Variants in ABCB1 observed in about 807,000 individuals in gnomAD.
ABCB1 encodes ATP-dependent translocase ABCB1.
In ABCB1, 69 loss-of-function variants were observed where a neutral mutation model predicts 142.0. The ratio of observed to expected loss-of-function variants is 0.49; its 90% CI spans 0.40 to 0.59. ABCB1 has a LOEUF of 0.59. Ranked by LOEUF, ABCB1 falls within the 20% of genes least tolerant of loss-of-function variation. ABCB1 has a pLI of 0.00. For missense variants in ABCB1, 1,326 were observed against 1,554.7 expected, an observed-to-expected ratio of 0.85 and a Z score of 2.47; for synonymous variants, 532 against 539.2, an observed-to-expected ratio of 0.99 and a Z score of 0.18.
intron 25 of ABCB1, among the ~76,000 whole-genome samples, chr7:87,509,900 T>G (rs1814928737): frequency 6.6e-6 from 1 of 152,150 alleles, no homozygotes; most frequent in African/African-American, 2.4e-5. Context: ...GGCTCTTAAC[T>G]GAAGAAGAAG....
intron 20 of ABCB1, among the ~76,000 whole-genome samples, chr7:87,536,017 T>C (rs940858823): frequency 1.3e-5 from 2 of 152,204 alleles, no homozygotes; most frequent in African/African-American, 4.8e-5. Context: ...GTTATTCTAT[T>C]CTTGCCTTAA....
chr7:87,697,256 C>G (rs544055733), intron 1 of ABCB1, among the ~76,000 whole-genome samples: 1 of 152,100 alleles, frequency 6.6e-6, no homozygotes, highest in African/African-American at 2.4e-5. Flanking sequence ...TGTATTTTCC[C>G]TTGCCTATTT....
At chr7:87,700,697 C>A in intron 1 of ABCB1, 1 of 715,916 alleles carries the variant, frequency 1.4e-6, no homozygotes, top group Non-Finnish European at 2.2e-6. Flanking sequence ...GATGTTTCTA[C>A]ATTTCTTGAA....
At position 87,545,973 on chromosome 7, in the gene ABCB1, G is replaced by A. The variant is rs28381914; in HGVS notation, c.1777C>T (p.Arg593Cys). ...AAACCAGCGATGACGTCAGCATTACGAACTGTAGACAAACGATGAGCTATC... is the reference window on the plus strand; with the variant it reads ...AAACCAGCGATGACGTCAGCATTACAAACTGTAGACAAACGATGAGCTATC... ...IVIAHRLSTV[R>C]NADVIAGFDD... Residue 593 changes from arginine to cysteine, a missense_variant, in exon 15 of 28, where the codon CGT becomes TGT. Transcript: ENST00000622132. 82 of 1,614,070 alleles carry A rather than the reference G, an allele frequency of 5.1e-5. 1 individual carries two copies. The African/African-American group carries it at 5.5e-4, about 11-fold the overall frequency.
In ABCB1 at chr7:87,700,511, G is replaced by A. The variant is rs751080320; in HGVS notation, c.-331+12650C>T. ...CGGAAAGTTTCACAGAATTGTATCT[G>A]CAGCATTGAAAATATGGAAAATGTC... is the stretch of plus-strand genomic sequence containing the variant. On this transcript the variant is annotated intron_variant, in intron 1 of 28. Transcript: ENST00000265724. 5.0e-6 allele frequency: 8 copies of A among 1,613,242 alleles called. No homozygotes were observed. In the Admixed American group the frequency reaches 1.2e-4, roughly 24 times the overall value.
chr7:87,594,840 T>C (rs948941493), intron 3 of ABCB1, among the ~76,000 whole-genome samples: 2 of 152,144 alleles, frequency 1.3e-5, no homozygotes, highest in African/African-American at 2.4e-5. Flanking sequence ...TTATAGTCAA[T>C]TTATTAAAAT....
chr7:87,612,636 C>A (rs976847585), intron 1 of ABCB1, among the ~76,000 whole-genome samples: 1 of 152,058 alleles, frequency 6.6e-6, no homozygotes, highest in African/African-American at 2.4e-5. Flanking sequence ...ACTTTTATAC[C>A]AGTACCATGC....
chr7:87,697,490 A>T (rs1034898551), intron 1 of ABCB1, among the ~76,000 whole-genome samples: 10 of 152,226 alleles, frequency 6.6e-5, no homozygotes, highest in Non-Finnish European at 1.5e-4. Flanking sequence ...TAACTTTAGA[A>T]TGGTTGATGA....
Position 87,541,408 on chromosome 7 carries a change from T to A in ABCB1, c.2268A>T (p.Ser756=). Residue 756 remains serine, a synonymous_variant, in exon 18 of 28, where the codon TCA becomes TCT. Transcript: ENST00000622132. ...ETKRQNSNLF[S]LLFLALGIIS... ...TAATTCCAAGGGCTAGAAACAATAG[T>A]GAAAACAAGTTACTATTCTGTCGTT... is the stretch of plus-strand genomic sequence containing the variant. 6.2e-7 allele frequency: 1 copy of A among 1,609,340 alleles called. No homozygotes were observed. The highest frequency in any genetic ancestry group is 8.5e-7 in the Non-Finnish European group (1 of 1,175,660).
intron 4 of ABCB1, among the ~76,000 whole-genome samples, chr7:87,581,389 C>T (rs1396993381): frequency 6.6e-6 from 1 of 152,062 alleles, no homozygotes; most frequent in Non-Finnish European, 1.5e-5. Context: ...AGGATCATTT[C>T]CAGATAGTGG....
At chr7:87,509,782 T>C (rs962908039) in intron 25 of ABCB1, among the ~76,000 whole-genome samples, 4 of 152,218 alleles carry the variant, frequency 2.6e-5, no homozygotes, top group Admixed American at 1.3e-4. Flanking sequence ...GAATGTGTTA[T>C]GTTACATGGC....
chr7:87,572,927 G>T (rs2129852955), intron 4 of ABCB1, among the ~76,000 whole-genome samples: 1 of 151,040 alleles, frequency 6.6e-6, no homozygotes, highest in Non-Finnish European at 1.5e-5. Context: ...GAGAGAATCA[G>T]GAAAAATAAC....
intron 1 of ABCB1, among the ~76,000 whole-genome samples, chr7:87,617,058 T>C (rs1336453418): frequency 6.6e-6 from 1 of 152,196 alleles, no homozygotes; most frequent in Non-Finnish European, 1.5e-5. Flanking sequence ...ATATTCTATG[T>C]AGCCCATGAA....
At chr7:87,516,466 C>T in intron 24 of ABCB1, 43 bp downstream of exon 24, 2 of 1,612,162 alleles carry the variant, frequency 1.2e-6, no homozygotes, top group Non-Finnish European at 1.7e-6. Context: ...TACTTTCATT[C>T]AGGAGTCAGG....
At chr7:87,694,468 T>C (rs547482180) in intron 1 of ABCB1, among the ~76,000 whole-genome samples, 6 of 152,334 alleles carry the variant, frequency 3.9e-5, no homozygotes, top group African/African-American at 1.4e-4. Context: ...GCTTTCTGTA[T>C]TTTTTGCTTA....
chr7:87,581,752 G>A (rs189146112), intron 4 of ABCB1, among the ~76,000 whole-genome samples: 94 of 152,278 alleles, frequency 6.2e-4, no homozygotes, highest in African/African-American at 2.1e-3. Flanking sequence ...TATGTTTATT[G>A]TAAAAACCCC....
At chr7:87,522,140 G>A in intron 21 of ABCB1, 1 of 1,430,828 alleles carries the variant, frequency 7.0e-7, no homozygotes, top group South Asian at 1.1e-5. Context: ...GGTCATTGTG[G>A]CTTTGGTGGC....
chr7:87,586,988 T>C (rs1026815733), intron 3 of ABCB1, among the ~76,000 whole-genome samples: 2 of 152,236 alleles, frequency 1.3e-5, no homozygotes, highest in African/African-American at 4.8e-5. Context: ...TTTGGGTTCA[T>C]GGCATAACTT....
At chr7:87,693,698 A>G (rs1030989969) in intron 1 of ABCB1, among the ~76,000 whole-genome samples, 7 of 152,208 alleles carry the variant, frequency 4.6e-5, no homozygotes, top group Admixed American at 1.3e-4. Context: ...TCTCCAATAC[A>G]ATAAGCTACA....
Sources: allele counts gnomAD v4.1 joint callset (sites outside exome capture counted in the v4.1 genomes callset), GRCh38; gene constraint gnomAD v4.1.1; transcripts MANE v1.5; gene names NCBI Gene and HGNC (gene_info 2026-07-23, HGNC 2026-07-21).